The following XDH variants were observed in gnomAD, a reference collection of about 807,000 sequenced individuals.
XDH encodes the protein xanthine dehydrogenase.
In XDH, 138 loss-of-function variants were observed where a neutral mutation model predicts 156.1. The ratio of observed to expected loss-of-function variants is 0.88; its 90% CI spans 0.77 to 1.02. The LOEUF is 1.02. XDH is among the 50% of genes least tolerant of loss of function. The pLI is 0.00. For missense variants in XDH, 1,849 were observed against 1,684.9 expected, an observed-to-expected ratio of 1.10 and a Z score of -1.71; for synonymous variants, 669 against 625.7, an observed-to-expected ratio of 1.07 and a Z score of -1.03.
intron 6 of XDH, among the ~76,000 whole-genome samples, chr2:31,391,014 G>A (rs1292894630): frequency 6.6e-6 from 1 of 151,996 alleles, no homozygotes; most frequent in Non-Finnish European, 1.5e-5. Context: ...TTCTTTTATG[G>A]ATCATGCCTT....
rs1187302540 is a variant in XDH, at chr2:31,398,240, A to G, written c.433+333T>C. Among the ~76,000 whole-genome samples, 4 of 152,186 alleles carry G rather than the reference A, an allele frequency of 2.6e-5. No homozygotes were observed. In the South Asian group the frequency reaches 6.2e-4, roughly 24 times the overall value. On this transcript the variant is annotated intron_variant, in intron 5 of 35. Transcript: ENST00000379416. ...GTGAAAACTGAGAGGGAAGGAAATCATATCACTAGCCCCCGTGGAGTTTTC... is the reference window on the plus strand; with the variant it reads ...GTGAAAACTGAGAGGGAAGGAAATCGTATCACTAGCCCCCGTGGAGTTTTC...
Position 31,339,503 on chromosome 2 carries a change from T to C in XDH, c.3760A>G (p.Ile1254Val), listed in dbSNP as rs982521679. 1 of 1,614,170 alleles carries C rather than the reference T, an allele frequency of 6.2e-7. No individual in the cohort carries two copies. The highest frequency in any genetic ancestry group is 8.5e-7 in the Non-Finnish European group (1 of 1,180,040). Residue 1254 changes from isoleucine (I) to valine (V), a missense_variant, in exon 34 of 36, where the codon ATC (isoleucine) becomes GTC (valine). Ile to Val is a conservative substitution (Grantham distance 29). Transcript: ENST00000379416. ...LLRDCPNKKA[I>V]YASKAVGEPP... Reference sequence around the variant, plus strand: ...AGCAATGGTACCTTCGATGCATAGATGGCCTTCTTGTTGGGGCAGTCGCGG... The same window carrying C: ...AGCAATGGTACCTTCGATGCATAGACGGCCTTCTTGTTGGGGCAGTCGCGG...
chr2:31,339,765 C>A (rs572302635), intron 33 of XDH, 88 bp from the exon 34 acceptor site: 2 of 1,531,130 alleles, frequency 1.3e-6, no homozygotes, highest in East Asian at 4.7e-5. Context: ...AAAGCGCCAA[C>A]TGCAGCGCGG....
At chr2:31,372,073 C>G (rs1686088031) in intron 17 of XDH, among the ~76,000 whole-genome samples, 155 bp downstream of exon 17, 1 of 152,224 alleles carries the variant, frequency 6.6e-6, no homozygotes, top group Non-Finnish European at 1.5e-5. Flanking sequence ...TAGGACCTGC[C>G]TATAAGGTCT....
chr2:31,395,907 C>T (rs1169743593), intron 6 of XDH, among the ~76,000 whole-genome samples: 1 of 152,164 alleles, frequency 6.6e-6, no homozygotes, highest in African/African-American at 2.4e-5. Flanking sequence ...CTTGCTTGTA[C>T]CTGTTTAATG....
At chr2:31,413,492 C>T (rs987268416) in intron 1 of XDH, among the ~76,000 whole-genome samples, 2 of 152,182 alleles carry the variant, frequency 1.3e-5, no homozygotes, top group South Asian at 2.1e-4. Context: ...GTCCATCAAT[C>T]TTTGGAGCAC....
chr2:31,367,086 G>A, intron 20 of XDH, 92 bp from the exon 21 acceptor site: 1 of 1,603,628 alleles, frequency 6.2e-7, no homozygotes, highest in Non-Finnish European at 8.5e-7. Flanking sequence ...CAAGTGGTCT[G>A]GGCAGGAAGC....
chr2:31,381,265 G>C (rs1359171406), intron 12 of XDH, among the ~76,000 whole-genome samples: 2 of 152,084 alleles, frequency 1.3e-5, no homozygotes, highest in Non-Finnish European at 1.5e-5. Flanking sequence ...CAAAGTGCTG[G>C]GATTACAGGC....
chr2:31,353,553 A>G (rs1184935848), intron 24 of XDH, among the ~76,000 whole-genome samples: 1 of 152,222 alleles, frequency 6.6e-6, no homozygotes, highest in Non-Finnish European at 1.5e-5. Context: ...CATGATGGTG[A>G]GTTCCAGGGG....
chr2:31,401,146 G>T, intron 4 of XDH, 74 bp downstream of exon 4: 1 of 1,551,582 alleles, frequency 6.4e-7, no homozygotes, highest in Non-Finnish European at 8.8e-7. Flanking sequence ...AAGCAAGTCT[G>T]CAACTTTGGC....
intron 2 of XDH, among the ~76,000 whole-genome samples, chr2:31,404,739 T>C (rs368820508): frequency 3.3e-5 from 5 of 152,254 alleles, no homozygotes; most frequent in East Asian, 1.9e-4. Flanking sequence ...AGTGACACTT[T>C]CACTCCCCAG....
At chr2:31,387,990 T>C (rs1686658536) in intron 7 of XDH, 93 bp from the exon 8 acceptor site, 1 of 1,401,546 alleles carries the variant, frequency 7.1e-7, no homozygotes. Context: ...GCAAGCTCAT[T>C]CCCAGCCCCC....
Position 31,379,972 on chromosome 2 carries a change from G to C in XDH, c.1137C>G (p.Thr379=). The C allele has an allele frequency of 6.2e-7, 1 of 1,613,916 alleles. No individual in the cohort carries two copies. The highest frequency in any genetic ancestry group is 8.5e-7 in the Non-Finnish European group (1 of 1,180,008). ...GAKLTLVSRG[T]RRTVQMDHTF... The stretch of plus-strand genomic sequence containing the variant: ...TGTGGTCCATCTGGACAGTTCTCCT[G>C]GTGCCTGTACAGAAGCAAGATGAAG... Residue 379 remains threonine (T), a synonymous_variant, in exon 13 of 36, where the codon ACC becomes ACG. Transcript: ENST00000379416.
chr2:31,409,186 CA>C (rs1016881506), intron 1 of XDH, among the ~76,000 whole-genome samples: 1 of 151,198 alleles, frequency 6.6e-6, no homozygotes, highest in Non-Finnish European at 1.5e-5. Context: ...CTAATAGGTA[CA>C]AAAAAATAGA....
chr2:31,381,593 C>G, intron 12 of XDH, 40 bp downstream of exon 12: 1 of 1,603,488 alleles, frequency 6.2e-7, no homozygotes. Context: ...CTTTTCTCCC[C>G]CAAGTCCTTC....
chr2:31,409,412 T>G (rs1192197533), intron 1 of XDH, among the ~76,000 whole-genome samples: 1 of 152,218 alleles, frequency 6.6e-6, no homozygotes, highest in Non-Finnish European at 1.5e-5. Flanking sequence ...CATAAATATG[T>G]AGATCTACTA....
chr2:31,360,085 G>A (rs1368651001), intron 24 of XDH, among the ~76,000 whole-genome samples: 2 of 152,204 alleles, frequency 1.3e-5, no homozygotes, highest in Admixed American at 6.5e-5. Flanking sequence ...ACCAGTTTTA[G>A]AGCACAGGAG....
Position 31,398,667 on chromosome 2 carries a change from G to A in XDH, c.339C>T (p.Cys113=), listed in dbSNP as rs118042822. 100 of 1,614,102 alleles carry A rather than the reference G, an allele frequency of 6.2e-5. No homozygotes were observed. In the East Asian group the frequency reaches 7.8e-4, roughly 13 times the overall value. The change falls in exon 5 of 36, where the codon TGC becomes TGT. Residue 113 remains cysteine (C), a synonymous_variant. Transcript: ENST00000379416. ...TGACGATGCCAGGGGTGCAGAACCCGCACTGGGAGCCGTGGCTTTTGGCAA... is the reference window on the plus strand; with the variant it reads ...TGACGATGCCAGGGGTGCAGAACCCACACTGGGAGCCGTGGCTTTTGGCAA... ...ERIAKSHGSQ[C]GFCTPGIVMS... is the part of the protein sequence containing the mutation.
At chr2:31,349,387 A>G (rs758489432) in intron 26 of XDH, among the ~76,000 whole-genome samples, 1 of 152,160 alleles carries the variant, frequency 6.6e-6, no homozygotes, top group Non-Finnish European at 1.5e-5. Context: ...GCAGGTGCAT[A>G]ACTGTGACGT....
Sources: gnomAD v4.1 joint callset for allele counts (sites outside exome capture counted in the v4.1 genomes callset) on GRCh38, gnomAD v4.1.1 for gene constraint, MANE v1.5 for transcripts, NCBI Gene and HGNC (gene_info 2026-07-23, HGNC 2026-07-21) for gene names.